The following TMEM63A variants were observed in gnomAD, a reference collection of about 807,000 sequenced individuals.
The protein encoded by TMEM63A is mechanosensitive cation channel TMEM63A.
In TMEM63A, 76 loss-of-function variants were observed where a neutral mutation model predicts 100.6. That is an observed-to-expected ratio of 0.76 (90% CI 0.63 to 0.91). The LOEUF (loss-of-function observed/expected upper bound fraction) is 0.91. Ranked by LOEUF, TMEM63A falls within the 40% of genes least tolerant of loss-of-function variation. The pLI, the probability that TMEM63A is intolerant of heterozygous loss-of-function variation, is 0.00. For missense variants in TMEM63A, 876 were observed against 1,008.8 expected (o/e 0.87, Z 1.78); for synonymous variants, 401 against 401.1 (o/e 1.00, Z 0.00).
Position 225,857,030 on chromosome 1 carries a change from T to G in TMEM63A, c.1378-13A>C. 1 of 1,565,956 alleles carries G rather than the reference T, an allele frequency of 6.4e-7. No individual in the cohort carries two copies. The highest frequency in any genetic ancestry group is 1.4e-5 in the African/African-American group (1 of 72,236). The stretch of plus-strand genomic sequence containing the variant: ...TGATGATCGGGTTCTAGGAGAAAGG[T>G]CCACAGCAGAGAGAGTCACAGGGGC... On this transcript the variant is annotated splice_polypyrimidine_tract_variant and intron_variant, in intron 15 of 24. Coordinates refer to ENST00000366835, the MANE Select transcript of TMEM63A (RefSeq NM_014698.3).
At chr1:225,849,265 T>C (rs540475529) in intron 21 of TMEM63A, among the ~76,000 whole-genome samples, 36 of 147,652 alleles carry the variant, frequency 2.4e-4, no homozygotes, top group African/African-American at 9.0e-4. Context: ...TTTCAGGCAC[T>C]GGGGTGCCAA....
chr1:225,868,166 G>A, intron 6 of TMEM63A, 136 bp from the exon 7 acceptor site: 2 of 1,101,634 alleles, frequency 1.8e-6, no homozygotes, highest in South Asian at 3.4e-5. Flanking sequence ...TCACATATGA[G>A]GAAATAAAGG....
rs755927824 is a variant in TMEM63A at position 225,853,488 on chromosome 1, C to T, written c.1797+141G>A. On this transcript the variant is annotated intron_variant, in intron 19 of 24. Coordinates refer to ENST00000366835, the MANE Select transcript of TMEM63A (RefSeq NM_014698.3). This position sits in a 1 kb window ranked among gnomAD's most constrained non-coding sequence, Gnocchi z 4.0. ...TGCCTGGACCCGGGTTTGAGAAGCA[C>T]TTAGCCCAGTGCCTGCACTAGTGGG... The T allele has an allele frequency of 2.2e-6, 2 of 890,552 alleles. No homozygotes were observed. Among genetic ancestry groups the T allele is most frequent in the East Asian group, 2.9e-5 (1 of 34,404 alleles). 55.2% of individuals were successfully genotyped at this position (890,552 alleles called of 1,614,324 possible).
At chr1:225,844,549 A>G (rs765459385), downstream of TMEM63A, 5 of 1,614,066 alleles carry the variant, frequency 3.1e-6, no homozygotes, top group African/African-American at 5.3e-5. Flanking sequence ...ACTGGACAAC[A>G]GGCACCATCA....
In TMEM63A at chr1:225,865,909, T is replaced by C. The variant is rs1192835748; in HGVS notation, c.734A>G (p.Glu245Gly). 1.2e-6 allele frequency: 2 copies of C among 1,613,786 alleles called. No homozygotes were observed. The highest frequency in any genetic ancestry group is 4.5e-5 in the East Asian group (2 of 44,864). The change falls in exon 10 of 25, where the codon GAG (glutamate) becomes GGG (glycine). Residue 245 changes from glutamate (E) to glycine (G), a missense_variant. Coordinates refer to ENST00000366835, the MANE Select transcript of TMEM63A (RefSeq NM_014698.3). This position sits in a 1 kb window ranked among gnomAD's most constrained non-coding sequence, Gnocchi z 4.6. ...CCCACCTGCTTACCGGAAGTGGCTC[T>C]CCACAGTCTCCTTCCTGGCATCTCT... ...LPRDARKETV[E>G]SHFRDAYPTC...
intron 9 of TMEM63A, chr1:225,866,350 C>T (rs534630620): frequency 1.8e-6 from 1 of 544,346 alleles, no homozygotes; most frequent in African/African-American, 1.9e-5. Context: ...ACCCAAATTT[C>T]TTTACTTAGC....
chr1:225,856,972 A>C lies in TMEM63A; in HGVS notation c.1423T>G (p.Phe475Val), dbSNP rs768312567. 7.5e-6 allele frequency: 12 copies of C among 1,602,488 alleles called. No homozygotes were observed. Among genetic ancestry groups the C allele is most frequent in the Admixed American group, 1.8e-5 (1 of 55,894 alleles). Residue 475 changes from phenylalanine (F) to valine (V), a missense_variant, in exon 16 of 25, where the codon TTC becomes GTC. Phe to Val is a conservative substitution (Grantham distance 50). Transcript: ENST00000366835. ...QFFPTLLLWS[F>V]SALLPSIVYY... ...ACAATGGAGGGGAGCAGGGCCGAGAAGGACCAGAGCAGGAGGGTGGGGAAG... is the reference window on the plus strand; with the variant it reads ...ACAATGGAGGGGAGCAGGGCCGAGACGGACCAGAGCAGGAGGGTGGGGAAG...
chr1:225,853,080 G>A lies in TMEM63A; in HGVS notation c.1798-311C>T, dbSNP rs976767435. Among the ~76,000 whole-genome samples, 2 of 152,204 alleles carry A rather than the reference G, an allele frequency of 1.3e-5. No homozygotes were observed. Among genetic ancestry groups the A allele is most frequent in the African/African-American group, 4.8e-5 (2 of 41,438 alleles). On this transcript the variant is annotated intron_variant, in intron 19 of 24. Coordinates refer to ENST00000366835, the MANE Select transcript of TMEM63A (RefSeq NM_014698.3). The surrounding 1 kb of genome is among the most constrained non-coding windows in gnomAD (Gnocchi z 4.0). Reference sequence around the variant, plus strand: ...TAGAGTGACTCCAGCCCTTCTAGCAGGGGATCCTGGGCCAGCTTAGTTCAT... The same window carrying A: ...TAGAGTGACTCCAGCCCTTCTAGCAAGGGATCCTGGGCCAGCTTAGTTCAT...
In TMEM63A at chr1:225,848,307, A is replaced by C. The variant is rs1669126119; in HGVS notation, c.2250+185T>G. Reference sequence around the variant, plus strand: ...AAGACTCTATCTCCTCAACAGTTTCAAATATGCAGGTTAAAATACCCAGGG... The same window carrying C: ...AAGACTCTATCTCCTCAACAGTTTCCAATATGCAGGTTAAAATACCCAGGG... On this transcript the variant is annotated intron_variant, in intron 23 of 24. Transcript: ENST00000366835. 4.8e-6 allele frequency: 3 copies of C among 624,962 alleles called. No homozygotes were observed. In the South Asian group the frequency reaches 6.0e-5, roughly 13 times the overall value. 38.7% of individuals were successfully genotyped at this position (624,962 alleles called of 1,614,324 possible).
At chr1:225,866,772 C>A in intron 8 of TMEM63A, 90 bp from the exon 9 acceptor site, 3 of 1,180,508 alleles carry the variant, frequency 2.5e-6, no homozygotes, top group African/African-American at 3.0e-5. Context: ...TCAGTGGGCA[C>A]TGAACTGAGG....
chr1:225,845,125 C>T (rs756046598), downstream of TMEM63A: 225 of 1,613,716 alleles, frequency 1.4e-4, no homozygotes, highest in Middle Eastern at 8.6e-4. Flanking sequence ...CTCACCCCTC[C>T]GTCGGCTCTT....
chr1:225,862,312 G>A lies in TMEM63A; in HGVS notation c.991C>T (p.Leu331=), dbSNP rs2102620764. ...TCTTCCTCTGTGATCCTCTCCAGCA[G>A]CCTGTCCTTCATCCGTGTGTAGTAA... ...ISYYTRMKDR[L]LERITEEERH... is the part of the protein sequence containing the mutation. The change falls in exon 13 of 25, where the codon CTG becomes TTG. Residue 331 remains leucine (L), a synonymous_variant. Coordinates refer to ENST00000366835, the MANE Select transcript of TMEM63A (RefSeq NM_014698.3). The surrounding 1 kb of genome is among the most constrained non-coding windows in gnomAD (Gnocchi z 5.1). 1.2e-6 allele frequency: 2 copies of A among 1,614,194 alleles called. No homozygotes were observed. Among genetic ancestry groups the A allele is most frequent in the African/African-American group, 1.3e-5 (1 of 75,032 alleles).
At chr1:225,842,586 T>C (rs1376862216), downstream of TMEM63A, 5 of 834,844 alleles carry the variant, frequency 6.0e-6, no homozygotes, top group African/African-American at 3.4e-5. Context: ...GCAAATTCTA[T>C]TGTTGGCTTT....
At chr1:225,861,942 G>A in intron 13 of TMEM63A, 1 of 514,670 alleles carries the variant, frequency 1.9e-6, no homozygotes. Context: ...CAGCAGGGAA[G>A]AGCCCAGCAG....
chr1:225,840,872 G>A (rs954033871), downstream of TMEM63A: 1 of 152,188 alleles, frequency 6.6e-6, no homozygotes, highest in Non-Finnish European at 1.5e-5. Context: ...CCACACACAC[G>A]AGGCAGCTCA....
intron 10 of TMEM63A, chr1:225,863,198 C>A: frequency 3.8e-6 from 1 of 266,478 alleles, no homozygotes; most frequent in African/African-American, 2.2e-5. Flanking sequence ...GGGCTACAGG[C>A]ACATGCCACC....
chr1:225,880,254 C>T (rs1411376040), intron 1 of TMEM63A, among the ~76,000 whole-genome samples: 2 of 152,174 alleles, frequency 1.3e-5, no homozygotes, highest in African/African-American at 2.4e-5. Flanking sequence ...TCTCTCAGAC[C>T]TTTCAGCTCA....
At chr1:225,870,551 A>C (rs1291807398) in intron 6 of TMEM63A, among the ~76,000 whole-genome samples, 1 of 152,192 alleles carries the variant, frequency 6.6e-6, no homozygotes, top group Non-Finnish European at 1.5e-5. Context: ...CATTGAAAAA[A>C]AGAAAACTTG....
In TMEM63A at chr1:225,848,936, G is replaced by A; in HGVS notation, c.2148C>T (p.Cys716=). ...GGCTGAGGTGCTTGAAGCATCCAAA[G>A]CAGGTGTGAGCCAGGCAGACCAGGA... is the stretch of plus-strand genomic sequence containing the variant. ...LTILVCLAHT[C]FGCFKHLSPL... The change falls in exon 22 of 25, where the codon TGC becomes TGT. Residue 716 remains cysteine (C), a synonymous_variant. Transcript: ENST00000366835. The A allele has an allele frequency of 6.2e-7, 1 of 1,604,148 alleles. No individual in the cohort carries two copies. The highest frequency in any genetic ancestry group is 8.5e-7 in the Non-Finnish European group (1 of 1,176,158).
Sources: gnomAD v4.1 joint callset for allele counts (sites outside exome capture counted in the v4.1 genomes callset) on GRCh38, gnomAD v4.1.1 for gene constraint, Gnocchi (gnomAD v3.1) non-coding constraint, MANE v1.5 for transcripts, NCBI Gene and HGNC (gene_info 2026-07-23, HGNC 2026-07-21) for gene names.